The following SENP6 variants were observed in gnomAD, a reference collection of about 807,000 sequenced individuals.
The protein encoded by SENP6 is SUMO specific peptidase 6.
In SENP6, 41 loss-of-function variants were observed where a neutral mutation model predicts 134.5. That is an observed-to-expected ratio of 0.30 (90% CI 0.24 to 0.40). The LOEUF (loss-of-function observed/expected upper bound fraction) is 0.40, where lower values mean the gene tolerates loss of function less well. Ranked by LOEUF, SENP6 falls within the 10% of genes least tolerant of loss-of-function variation. SENP6 has a pLI of 1.00. For synonymous variants in SENP6, 395 were observed against 429.8 expected (o/e 0.92, Z 1.00); for missense variants, 1,248 against 1,312.5 (o/e 0.95, Z 0.76).
At chr6:75,687,406 G>C (rs767164104) in intron 16 of SENP6, among the ~76,000 whole-genome samples, 3 of 152,146 alleles carry the variant, frequency 2.0e-5, no homozygotes, top group South Asian at 4.1e-4. Flanking sequence ...CTGTCAACTC[G>C]TCAAAGTCAT....
At chr6:75,640,877 T>C (rs1225335369) in intron 6 of SENP6, among the ~76,000 whole-genome samples, 173 bp downstream of exon 6, 2 of 152,192 alleles carry the variant, frequency 1.3e-5, no homozygotes, top group Admixed American at 6.6e-5. Flanking sequence ...CAGAGTAATA[T>C]ATCAATACAG....
chr6:75,644,017 G>A (rs1770232684), intron 6 of SENP6: 1 of 152,092 alleles, frequency 6.6e-6, no homozygotes, highest in Non-Finnish European at 1.5e-5. Context: ...TGATTCTGGG[G>A]TTGTGATAGG....
At chr6:75,661,290 T>C (rs887026249) in intron 8 of SENP6, among the ~76,000 whole-genome samples, 1 of 152,206 alleles carries the variant, frequency 6.6e-6, no homozygotes, top group Non-Finnish European at 1.5e-5. Flanking sequence ...TAGCTTAGTT[T>C]TTCTTTATGT....
chr6:75,698,162 A>G (rs998795934), intron 18 of SENP6, among the ~76,000 whole-genome samples: 4 of 152,214 alleles, frequency 2.6e-5, no homozygotes, highest in African/African-American at 9.7e-5. Flanking sequence ...AAGGAATGAC[A>G]CACACCATGG....
At chr6:75,684,006 A>T (rs1419721010) in intron 16 of SENP6, among the ~76,000 whole-genome samples, 1 of 151,986 alleles carries the variant, frequency 6.6e-6, no homozygotes, top group Non-Finnish European at 1.5e-5. Flanking sequence ...CATTTTCATG[A>T]TATTGATTCT....
At position 75,695,823 on chromosome 6, in the gene SENP6, C is replaced by T. The variant is rs376129622; in HGVS notation, c.2095C>T (p.Leu699=). The change falls in exon 17 of 24, where the codon CTG becomes TTG. Residue 699 remains leucine (L), a synonymous_variant. Transcript: ENST00000447266. ...FYLKYLVLEK[L]KKEDADRIHI... is the part of the protein sequence containing the mutation. ...AAATAGATACTTGGTGCTTGAAAAA[C>T]TGAAGAAGGAAGACGCTGACCGAAT... is the stretch of plus-strand genomic sequence containing the variant. 14 of 1,593,278 alleles carry T rather than the reference C, an allele frequency of 8.8e-6. No individual in the cohort carries two copies. In the African/African-American group the frequency reaches 1.6e-4, roughly 19 times the overall value.
intron 16 of SENP6, among the ~76,000 whole-genome samples, chr6:75,689,638 T>G (rs767876345): frequency 2.6e-5 from 4 of 152,272 alleles, no homozygotes; most frequent in Non-Finnish European, 5.9e-5. Flanking sequence ...CCCATAAGAT[T>G]ATAATAACGT....
chr6:75,670,447 G>T (rs1392967336), intron 10 of SENP6, 106 bp from the exon 11 acceptor site: 5 of 702,696 alleles, frequency 7.1e-6, no homozygotes, highest in African/African-American at 1.8e-5. Context: ...TCCATTTTAT[G>T]TTGTGATATT....
At chr6:75,666,970 C>A in intron 10 of SENP6, 29 bp downstream of exon 10, 1 of 1,456,772 alleles carries the variant, frequency 6.9e-7, no homozygotes, top group South Asian at 1.2e-5. Context: ...GACATTTGTT[C>A]AGATTAATGC....
intron 5 of SENP6, among the ~76,000 whole-genome samples, chr6:75,638,610 ATATATATATATATTTTTTTTTT>A (rs1219419927): frequency 1.0e-4 from 5 of 48,850 alleles, no homozygotes; most frequent in Non-Finnish European, 1.4e-4. Flanking sequence ...ATATATATAT[ATATATATATATATTTTTTTTTT>A]TTTTTTTTTT....
chr6:75,666,681 T>C (rs753102413), intron 9 of SENP6, 31 bp from the exon 10 acceptor site: 52 of 1,017,314 alleles, frequency 5.1e-5, no homozygotes, highest in Non-Finnish European at 6.8e-5. Flanking sequence ...ATAGTTTTAA[T>C]ATAAATTATA....
At chr6:75,627,323 T>C (rs1768773828) in intron 3 of SENP6, among the ~76,000 whole-genome samples, 1 of 152,220 alleles carries the variant, frequency 6.6e-6, no homozygotes, top group African/African-American at 2.4e-5. Context: ...TTTATAAAGT[T>C]ATTCATGCTG....
At chr6:75,626,125 TTTG>T (rs146047951) in intron 3 of SENP6, among the ~76,000 whole-genome samples, 26 of 151,052 alleles carry the variant, frequency 1.7e-4, no homozygotes, top group African/African-American at 5.1e-4. Flanking sequence ...GAGAGTTAGG[TTTG>T]TTGTTGTTGT....
chr6:75,638,828 T>C (rs899810640), intron 5 of SENP6, among the ~76,000 whole-genome samples: 1 of 150,762 alleles, frequency 6.6e-6, no homozygotes, highest in African/African-American at 2.4e-5. Flanking sequence ...GAGGGCAAAA[T>C]AGGAGGATAG....
At chr6:75,611,061 T>C (rs1409444808) in intron 1 of SENP6, 3 of 130,256 alleles carry the variant, frequency 2.3e-5, no homozygotes, top group African/African-American at 8.2e-5. Context: ...TTGTTTCATA[T>C]ATTCAAAAAT....
intron 7 of SENP6, among the ~76,000 whole-genome samples, chr6:75,648,881 TA>T (rs1226665546): frequency 1.3e-5 from 2 of 152,178 alleles, no homozygotes; most frequent in Non-Finnish European, 2.9e-5. Context: ...ACAGAGCTGG[TA>T]TTGGAACCCA....
At chr6:75,655,699 C>T (rs1472403346) in intron 7 of SENP6, among the ~76,000 whole-genome samples, 2 of 152,072 alleles carry the variant, frequency 1.3e-5, no homozygotes, top group East Asian at 1.9e-4. Flanking sequence ...TCCTGATAAT[C>T]GATAATATAA....
At chr6:75,609,266 C>G (rs545165845) in intron 1 of SENP6, among the ~76,000 whole-genome samples, 10 of 152,272 alleles carry the variant, frequency 6.6e-5, no homozygotes, top group South Asian at 2.1e-4. Flanking sequence ...GTACCTCCCC[C>G]CAAAGGAAGG....
intron 8 of SENP6, among the ~76,000 whole-genome samples, chr6:75,662,224 T>C (rs1265272904): frequency 1.3e-5 from 2 of 152,196 alleles, no homozygotes; most frequent in Non-Finnish European, 2.9e-5. Flanking sequence ...TTTGGAATTA[T>C]TTAATTTTGT....
Sources: allele counts gnomAD v4.1 joint callset (sites outside exome capture counted in the v4.1 genomes callset), GRCh38; gene constraint gnomAD v4.1.1; transcripts MANE v1.5; gene names NCBI Gene and HGNC (gene_info 2026-07-23, HGNC 2026-07-21).